The following TAOK1 variants were observed in gnomAD, a reference collection of about 807,000 sequenced individuals.
TAOK1 encodes serine/threonine-protein kinase TAO1.
Under a neutral mutation model 138.3 loss-of-function variants are expected in TAOK1, and 21 were observed. The observed-to-expected ratio is 0.15, with a 90% CI of 0.11 to 0.22. TAOK1 has a LOEUF of 0.22. TAOK1 is among the 10% of genes least tolerant of loss of function. The probability of loss-of-function intolerance (pLI) is 1.00; values close to 1 mark genes in which losing one functional copy is unlikely to be tolerated. For synonymous variants in TAOK1, 361 were observed against 398.4 expected (o/e 0.91, Z 1.12); for missense variants, 651 against 1,227.7 (o/e 0.53, Z 7.02).
intron 1 of TAOK1, among the ~76,000 whole-genome samples, chr17:29,438,542 C>T (rs143719966): frequency 2.0e-5 from 3 of 152,170 alleles, no homozygotes; most frequent in Non-Finnish European, 2.9e-5. Context: ...ATCAGTTGGG[C>T]GTGGTGACAC....
chr17:29,496,079 G>A (rs555870737), intron 11 of TAOK1, among the ~76,000 whole-genome samples: 1 of 151,836 alleles, frequency 6.6e-6, no homozygotes, highest in African/African-American at 2.4e-5. Context: ...CTTGACCACT[G>A]AACCTGTTTT....
intron 1 of TAOK1, among the ~76,000 whole-genome samples, chr17:29,397,603 C>CT: frequency 1.8e-5 from 1 of 54,284 alleles, no homozygotes; most frequent in Admixed American, 1.7e-4. Context: ...ATTCCGTCCC[C>CT]CCCCAAAAAA....
At chr17:29,436,962 A>G (rs916450912) in intron 1 of TAOK1, among the ~76,000 whole-genome samples, 12 of 152,198 alleles carry the variant, frequency 7.9e-5, no homozygotes, top group African/African-American at 2.9e-4. Flanking sequence ...GAGGTTTAAA[A>G]CACTTGATAT....
chr17:29,474,853 TA>T (rs61128492), intron 3 of TAOK1, among the ~76,000 whole-genome samples: 37 of 149,734 alleles, frequency 2.5e-4, no homozygotes, highest in Admixed American at 3.3e-4. Context: ...CAATTTGTTT[TA>T]AAAAAAAAAA....
At chr17:29,525,016 T>A (rs1567744198) in intron 17 of TAOK1, among the ~76,000 whole-genome samples, 1 of 152,204 alleles carries the variant, frequency 6.6e-6, no homozygotes, top group Non-Finnish European at 1.5e-5. Context: ...TTACTCTTGT[T>A]AAAGAAAAAT....
At chr17:29,538,109 TC>T (rs1280457481) in intron 19 of TAOK1, among the ~76,000 whole-genome samples, 14 of 72,816 alleles carry the variant, frequency 1.9e-4, no homozygotes, top group Admixed American at 1.7e-3. Context: ...AGACTCCATC[TC>T]AAAAAAAAAA....
At chr17:29,411,480 C>CGGGA (rs1437535041) in intron 1 of TAOK1, among the ~76,000 whole-genome samples, 2 of 151,934 alleles carry the variant, frequency 1.3e-5, no homozygotes, top group Non-Finnish European at 2.9e-5. Flanking sequence ...CAACCTCTGC[C>CGGGA]TCCCACGTTC....
intron 1 of TAOK1, among the ~76,000 whole-genome samples, chr17:29,408,948 G>A (rs1029177856): frequency 6.6e-6 from 1 of 151,820 alleles, no homozygotes; most frequent in South Asian, 2.1e-4. Flanking sequence ...CCTGAACTCA[G>A]GCAGTCCACC....
chr17:29,402,925 AG>A (rs1265095489), intron 1 of TAOK1, among the ~76,000 whole-genome samples: 1 of 151,816 alleles, frequency 6.6e-6, no homozygotes, highest in East Asian at 1.9e-4. Flanking sequence ...CTGTAAGCCC[AG>A]CACTTTGGGA....
At chr17:29,473,998 C>G (rs559684285) in intron 3 of TAOK1, among the ~76,000 whole-genome samples, 1 of 152,236 alleles carries the variant, frequency 6.6e-6, no homozygotes, top group South Asian at 2.1e-4. Flanking sequence ...TCCCAAAATG[C>G]TGGGATTGAT....
At chr17:29,498,602 G>A (rs2031456232) in intron 12 of TAOK1, 81 bp downstream of exon 12, 3 of 1,492,438 alleles carry the variant, frequency 2.0e-6, no homozygotes, top group East Asian at 2.3e-5. Flanking sequence ...GAAGGAAGAA[G>A]GAAGATAAGG....
Position 29,549,980 on chromosome 17 carries a change from G to A in TAOK1, c.*6958G>A, listed in dbSNP as rs1169736715. 1 of 151,774 alleles carries A rather than the reference G, an allele frequency of 6.6e-6. No homozygotes were observed. The highest frequency in any genetic ancestry group is 1.5e-5 in the Non-Finnish European group (1 of 67,962). The allele number at this position is 151,774 out of a possible 1,614,324, so 9.4% of individuals were successfully genotyped here. On this transcript the variant is annotated 3_prime_UTR_variant, in exon 20 of 20. Coordinates refer to ENST00000261716, the MANE Select transcript of TAOK1 (RefSeq NM_020791.4). ...TAATCCAAGCTAGAGACACAAGGTGGGAAAACATTTCAAAAAAAAAAAGTC... is the reference window on the plus strand; with the variant it reads ...TAATCCAAGCTAGAGACACAAGGTGAGAAAACATTTCAAAAAAAAAAAGTC...
chr17:29,417,186 T>C (rs965133243), intron 1 of TAOK1, among the ~76,000 whole-genome samples: 2 of 152,104 alleles, frequency 1.3e-5, no homozygotes, highest in Non-Finnish European at 2.9e-5. Flanking sequence ...GGCTAATTTA[T>C]GTATTTTTTA....
chr17:29,451,568 C>T lies in TAOK1; in HGVS notation c.20C>T (p.Ala7Val). Residue 7 changes from alanine to valine, a missense_variant, in exon 2 of 20, where the codon GCA becomes GTA. By Grantham distance (64) the Ala-to-Val change is moderately conservative. Transcript: ENST00000261716. MPSTNR[A>V]GSLKDPEIAE... The stretch of plus-strand genomic sequence containing the variant: ...AGCAGGATGCCATCAACTAACAGAG[C>T]AGGCAGCCTGAAGGACCCTGAAATT... 6.2e-7 allele frequency: 1 copy of T among 1,612,650 alleles called. No homozygotes were observed. The highest frequency in any genetic ancestry group is 8.5e-7 in the Non-Finnish European group (1 of 1,179,434).
At chr17:29,409,328 TATA>T (rs1326322532) in intron 1 of TAOK1, among the ~76,000 whole-genome samples, 59 of 75,152 alleles carry the variant, frequency 7.9e-4, no homozygotes, top group South Asian at 4.0e-3. Context: ...TATATATATA[TATA>T]TATTTTTTTT....
chr17:29,470,635 A>G (rs536316334), intron 3 of TAOK1, among the ~76,000 whole-genome samples: 2 of 152,332 alleles, frequency 1.3e-5, no homozygotes, highest in South Asian at 4.1e-4. Context: ...TTAATGAGTC[A>G]TTAATGATAA....
intron 10 of TAOK1, among the ~76,000 whole-genome samples, chr17:29,494,507 A>G (rs1387747256): frequency 6.6e-6 from 1 of 152,000 alleles, no homozygotes; most frequent in East Asian, 1.9e-4. Context: ...AATTTGAGCT[A>G]ACAAAGGAGG....
chr17:29,431,671 C>T (rs1198031882), intron 1 of TAOK1, among the ~76,000 whole-genome samples: 3 of 151,696 alleles, frequency 2.0e-5, no homozygotes, highest in Non-Finnish European at 4.4e-5. Context: ...CAGAGTTTTG[C>T]TCTTGTCACC....
At chr17:29,441,999 C>G (rs1387269950) in intron 1 of TAOK1, among the ~76,000 whole-genome samples, 2 of 150,184 alleles carry the variant, frequency 1.3e-5, no homozygotes, top group Non-Finnish European at 1.5e-5. Context: ...TGTTTTGTTT[C>G]TTTTCAAGAA....
Sources: allele counts gnomAD v4.1 joint callset (sites outside exome capture counted in the v4.1 genomes callset), GRCh38; gene constraint gnomAD v4.1.1; transcripts MANE v1.5; gene names NCBI Gene and HGNC (gene_info 2026-07-23, HGNC 2026-07-21).